The following CPED1 variants were observed in gnomAD, a reference collection of about 807,000 sequenced individuals.
CPED1 encodes the protein cadherin-like and PC-esterase domain-containing protein 1.
In CPED1, 114 loss-of-function variants were observed where a neutral mutation model predicts 128.2. The observed-to-expected ratio is 0.89, with a 90% CI of 0.76 to 1.04. CPED1 has a LOEUF of 1.04. Among genes scored for constraint, CPED1 ranks in the 50% least tolerant of loss-of-function variants. The pLI, the probability that CPED1 is intolerant of heterozygous loss-of-function variation, is 0.00. For missense variants in CPED1, 1,211 were observed against 1,207.1 expected, an observed-to-expected ratio of 1.00 and a Z score of -0.05; for synonymous variants, 462 against 426.7, an observed-to-expected ratio of 1.08 and a Z score of -1.02.
chr7:121,166,844 C>T (rs148747817), intron 16 of CPED1, among the ~76,000 whole-genome samples: 68 of 152,090 alleles, frequency 4.5e-4, no homozygotes, highest in African/African-American at 1.4e-3. Flanking sequence ...GTTAACAGAT[C>T]GTGAAAATCA....
intron 7 of CPED1, among the ~76,000 whole-genome samples, chr7:121,106,200 A>T (rs910512424): frequency 6.6e-6 from 1 of 152,134 alleles, no homozygotes; most frequent in African/African-American, 2.4e-5. Context: ...AGTATTATGG[A>T]TTTACATATT....
Position 121,118,695 on chromosome 7 carries a change from G to A in CPED1, c.919-5636G>A, listed in dbSNP as rs115413033. On this transcript the variant is annotated intron_variant, in intron 7 of 22. Transcript: ENST00000310396. Reference sequence around the variant, plus strand: ...AGAAAAGAGGTTTAATTGGCTCACCGTCCTGCAGGTTGTACAGGAAGTATG... The same window carrying A: ...AGAAAAGAGGTTTAATTGGCTCACCATCCTGCAGGTTGTACAGGAAGTATG... Among the ~76,000 whole-genome samples, 1,462 of 152,192 alleles carry A rather than the reference G, an allele frequency of 9.6e-3. 24 individuals carry two copies. Among genetic ancestry groups the A allele is most frequent in the African/African-American group, 0.033 (1,360 of 41,522 alleles).
intron 16 of CPED1, among the ~76,000 whole-genome samples, chr7:121,215,501 C>A (rs746958220): frequency 1.1e-4 from 17 of 152,002 alleles, no homozygotes; most frequent in Non-Finnish European, 2.4e-4. Flanking sequence ...CTTGGAATAT[C>A]ATCCCAGATA....
At chr7:121,231,667 A>C (rs1798143527) in intron 16 of CPED1, among the ~76,000 whole-genome samples, 1 of 152,118 alleles carries the variant, frequency 6.6e-6, no homozygotes, top group Non-Finnish European at 1.5e-5. Context: ...GTGTACCATA[A>C]GTAAAATAAA....
intron 3 of CPED1, among the ~76,000 whole-genome samples, chr7:121,033,510 A>G (rs188012808): frequency 1.1e-4 from 17 of 152,358 alleles, no homozygotes; most frequent in African/African-American, 3.8e-4. Flanking sequence ...CTTTAAAAAT[A>G]TTAACTCACC....
At chr7:121,132,433 T>C (rs1194256880) in intron 12 of CPED1, among the ~76,000 whole-genome samples, 1 of 152,038 alleles carries the variant, frequency 6.6e-6, no homozygotes, top group African/African-American at 2.4e-5. Flanking sequence ...ACATTACCTG[T>C]GTTCAATGAC....
Position 121,099,921 on chromosome 7 carries a change from T to TA in CPED1, c.750-5_750-4insA. ...AGCGCTAACTATGTTTTTTTTTTTT[T>TA]TTAGGAATGAAACGACAGTCCTTGC... On this transcript the variant is annotated splice_region_variant and splice_polypyrimidine_tract_variant and intron_variant, in intron 6 of 22. Transcript: ENST00000310396. 1 of 1,607,144 alleles carries TA rather than the reference T, an allele frequency of 6.2e-7. No homozygotes were observed. Among genetic ancestry groups the TA allele is most frequent in the Non-Finnish European group, 8.5e-7 (1 of 1,177,824 alleles).
chr7:121,035,063 G>T (rs767099631), intron 3 of CPED1, among the ~76,000 whole-genome samples: 2 of 152,092 alleles, frequency 1.3e-5, no homozygotes, highest in African/African-American at 2.4e-5. Flanking sequence ...CCATACTAGA[G>T]GCATATAGGT....
At chr7:121,070,374 T>C (rs1389736896) in intron 5 of CPED1, among the ~76,000 whole-genome samples, 2 of 152,030 alleles carry the variant, frequency 1.3e-5, no homozygotes, top group Admixed American at 1.3e-4. Flanking sequence ...CTGTGGATTC[T>C]GTGGGCTCCT....
At chr7:121,057,592 AATACCATT>A (rs1283615004) in intron 4 of CPED1, among the ~76,000 whole-genome samples, 2 of 152,190 alleles carry the variant, frequency 1.3e-5, no homozygotes, top group East Asian at 3.9e-4. Context: ...AATTTACACA[AATACCATT>A]TATCAAGATG....
At chr7:121,188,131 A>G (rs1385964794) in intron 16 of CPED1, among the ~76,000 whole-genome samples, 1 of 152,174 alleles carries the variant, frequency 6.6e-6, no homozygotes, top group Non-Finnish European at 1.5e-5. Flanking sequence ...ATATCGAAGC[A>G]TTTATAGGTG....
At chr7:121,294,384 C>G (rs1199163207) in intron 22 of CPED1, among the ~76,000 whole-genome samples, 1 of 152,074 alleles carries the variant, frequency 6.6e-6, no homozygotes, top group African/African-American at 2.4e-5. Context: ...AACCGCTGTT[C>G]TCTGTGGTGG....
At chr7:121,057,502 C>G (rs1384523582) in intron 4 of CPED1, among the ~76,000 whole-genome samples, 1 of 152,130 alleles carries the variant, frequency 6.6e-6, no homozygotes, top group Non-Finnish European at 1.5e-5. Context: ...CAGTGTTTAG[C>G]TCCTACTTAT....
intron 5 of CPED1, among the ~76,000 whole-genome samples, chr7:121,078,024 A>T (rs1008813797): frequency 6.6e-6 from 1 of 151,320 alleles, no homozygotes; most frequent in Admixed American, 6.6e-5. Context: ...TTTTTACTTC[A>T]TACTACTATA....
chr7:121,242,095 C>A (rs757140534), intron 17 of CPED1, among the ~76,000 whole-genome samples: 3 of 152,104 alleles, frequency 2.0e-5, no homozygotes, highest in Non-Finnish European at 4.4e-5. Flanking sequence ...GAGATAGAGC[C>A]CAGGTGTGCA....
At position 121,270,623 on chromosome 7, in the gene CPED1, T is replaced by C. The variant is rs149722804; in HGVS notation, c.2722-661T>C. ...ATATAGAGAGCCAGTTATCCCAGCA[T>C]TATTTATTGAGGGTCCTTTTCCCAT... On this transcript the variant is annotated intron_variant, in intron 21 of 22. Transcript: ENST00000310396. 2.7e-3 allele frequency among the ~76,000 whole-genome samples: 406 copies of C among 152,242 alleles called. 4 individuals are homozygous for C. Among genetic ancestry groups the C allele is most frequent in the African/African-American group, 9.5e-3 (393 of 41,574 alleles).
intron 16 of CPED1, among the ~76,000 whole-genome samples, chr7:121,177,554 G>A (rs1440924349): frequency 6.6e-6 from 1 of 151,966 alleles, no homozygotes; most frequent in Non-Finnish European, 1.5e-5. Context: ...CATATATTGT[G>A]TACAAGCCAA....
chr7:121,145,071 T>TGA (rs66980731), intron 16 of CPED1, among the ~76,000 whole-genome samples: 1 of 19,860 alleles, frequency 5.0e-5, no homozygotes, highest in East Asian at 0.016. Context: ...TTTAATTAAC[T>TGA]GCATTTAAGA....
chr7:121,031,582 T>G (rs1792734381), intron 3 of CPED1, among the ~76,000 whole-genome samples: 1 of 152,166 alleles, frequency 6.6e-6, no homozygotes, highest in Non-Finnish European at 1.5e-5. Context: ...GCCACCACAC[T>G]CAGCCAGTCT....
Sources: gnomAD v4.1 joint callset for allele counts (sites outside exome capture counted in the v4.1 genomes callset) on GRCh38, gnomAD v4.1.1 for gene constraint, MANE v1.5 for transcripts, NCBI Gene and HGNC (gene_info 2026-07-23, HGNC 2026-07-21) for gene names.